PARP14: variants seen among roughly 807,000 people sequenced by gnomAD.
PARP14 encodes the protein protein mono-ADP-ribosyltransferase PARP14.
Under a neutral mutation model 154.2 loss-of-function variants are expected in PARP14, and 59 were observed. The ratio of observed to expected loss-of-function variants is 0.38; its 90% confidence interval spans 0.31 to 0.48. PARP14 has a LOEUF of 0.48. PARP14 is among the 20% of genes least tolerant of loss of function. The pLI, the probability that PARP14 is intolerant of heterozygous loss-of-function variation, is 0.98. For synonymous variants in PARP14, 720 were observed against 780.5 expected, an observed-to-expected ratio of 0.92 and a Z score of 1.29; for missense variants, 1,734 against 2,131.6, an observed-to-expected ratio of 0.81 and a Z score of 3.67.
rs1939067726 is a variant in PARP14 at position 122,703,966 on chromosome 3, A to G, written c.3306A>G (p.Thr1102=). The stretch of plus-strand genomic sequence containing the variant: ...CTCCGGAGTGGAGAAATGGTAGCAC[A>G]TCTTCACTCAAGGTTGGGCCTGGTT... ...VVAPEWRNGS[T]SSLKIMEDII... Residue 1102 remains threonine (T), a synonymous_variant, in exon 7 of 17, where the codon ACA becomes ACG. Coordinates refer to ENST00000474629, the MANE Select transcript of PARP14 (RefSeq NM_017554.3). 6.2e-7 allele frequency: 1 copy of G among 1,611,678 alleles called. No individual in the cohort carries two copies. The highest frequency in any genetic ancestry group is 8.5e-7 in the Non-Finnish European group (1 of 1,177,868).
At position 122,713,548 on chromosome 3, in the gene PARP14, A is replaced by G; in HGVS notation, c.3744A>G (p.Thr1248=). 10 of 1,613,784 alleles carry G rather than the reference A, an allele frequency of 6.2e-6. No individual in the cohort carries two copies. Among genetic ancestry groups the G allele is most frequent in the African/African-American group, 1.3e-5 (1 of 75,062 alleles). Residue 1248 remains threonine, a synonymous_variant, in exon 10 of 17, where the codon ACA becomes ACG. Transcript: ENST00000474629. ...KEEADVIVNS[T]SNSFNLKAGV... is the part of the protein sequence containing the mutation. ...AGGCAGATGTGATTGTAAATTCAAC[A>G]TCAAACTCATTCAATCTCAAAGCAG...
chr3:122,713,662 G>A (rs1461775350), intron 10 of PARP14, 89 bp downstream of exon 10: 1 of 1,202,770 alleles, frequency 8.3e-7, no homozygotes, highest in East Asian at 2.3e-5. Context: ...TAGAACTTTG[G>A]CTTGTTAATT....
chr3:122,712,240 CTT>C (rs55876947), intron 9 of PARP14, among the ~76,000 whole-genome samples: 80,060 of 138,538 alleles, frequency 0.58, 22,524 homozygotes, highest in Non-Finnish European at 0.66. Context: ...GGATTCACAT[CTT>C]TTTTTTTTTT....
rs367840987 is a variant in PARP14 at position 122,700,444 on chromosome 3, C to T, written c.1890C>T (p.Asn630=). The T allele has an allele frequency of 5.0e-6, 8 of 1,613,372 alleles. No homozygotes were observed. In the African/African-American group the frequency reaches 6.7e-5, roughly 13 times the overall value. ...NLLKKQNSSP[N]TVIINELTSE... is the part of the protein sequence containing the mutation. The stretch of plus-strand genomic sequence containing the variant: ...TTAAGAAACAAAATTCCTCCCCAAA[C>T]ACTGTAATCATCAATGAGTTAACTT... The change falls in exon 6 of 17, where the codon AAC becomes AAT. Residue 630 remains asparagine, a synonymous_variant. Coordinates refer to ENST00000474629, the MANE Select transcript of PARP14 (RefSeq NM_017554.3).
chr3:122,703,903 C>G lies in PARP14; in HGVS notation c.3243C>G (p.Ser1081Arg). 1 of 1,613,982 alleles carries G rather than the reference C, an allele frequency of 6.2e-7. No homozygotes were observed. The highest frequency in any genetic ancestry group is 8.5e-7 in the Non-Finnish European group (1 of 1,179,896). ...TGGGCACAGTGCTCAAAACCAGCAG[C>G]TGGAATCTGGACTGTCGCTATGTGC... ...VSMGTVLKTS[S>R]WNLDCRYVLH... Residue 1081 changes from serine to arginine, a missense_variant, in exon 7 of 17, where the codon AGC becomes AGG. Physicochemically the swap from Ser to Arg is moderately radical, Grantham distance 110. Coordinates refer to ENST00000474629, the MANE Select transcript of PARP14 (RefSeq NM_017554.3).
chr3:122,721,745 T>A (rs1028946966), intron 15 of PARP14: 1 of 152,264 alleles, frequency 6.6e-6, no homozygotes, highest in Non-Finnish European at 1.5e-5. Context: ...CCACCATAAG[T>A]CTGCCAGTAA....
Position 122,700,462 on chromosome 3 carries a change from G to A in PARP14, c.1908G>A (p.Glu636=). ...CCCCAAACACTGTAATCATCAATGA[G>A]TTAACTTCAGAAACCACAGCTGAAG... ...NSSPNTVIIN[E]LTSETTAEVI... The change falls in exon 6 of 17, where the codon GAG becomes GAA. Residue 636 remains glutamate, a synonymous_variant. Coordinates refer to ENST00000474629, the MANE Select transcript of PARP14 (RefSeq NM_017554.3). 6.2e-7 allele frequency: 1 copy of A among 1,613,090 alleles called. No individual in the cohort carries two copies. Among genetic ancestry groups the A allele is most frequent in the Non-Finnish European group, 8.5e-7 (1 of 1,179,442 alleles).
In PARP14 at chr3:122,718,694, A is replaced by T. The variant is rs746643905; in HGVS notation, c.4543A>T (p.Ile1515Phe). ...MQARDEIEAM[I>F]KRVRLAKEQE... is the part of the protein sequence containing the mutation. ...GGCTAGAGATGAAATTGAGGCGATG[A>T]TCAAGAGAGTTCGATTGGCCAAAGA... Residue 1515 changes from isoleucine (I) to phenylalanine (F), a missense_variant, in exon 14 of 17, where the codon ATC becomes TTC. Coordinates refer to ENST00000474629, the MANE Select transcript of PARP14 (RefSeq NM_017554.3). 50 of 1,613,806 alleles carry T rather than the reference A, an allele frequency of 3.1e-5. No individual in the cohort carries two copies. The highest frequency in any genetic ancestry group is 4.0e-5 in the Non-Finnish European group (47 of 1,179,822).
chr3:122,714,151 G>GTTTTTT, intron 11 of PARP14, 111 bp from the exon 12 acceptor site: 1 of 776,744 alleles, frequency 1.3e-6, no homozygotes, highest in Non-Finnish European at 2.0e-6. Context: ...TATTTCAGGA[G>GTTTTTT]TTTTTTTTTT....
intron 5 of PARP14, 101 bp downstream of exon 5, chr3:122,695,763 A>G: frequency 1.6e-6 from 1 of 628,776 alleles, no homozygotes; most frequent in Non-Finnish European, 2.8e-6. Flanking sequence ...TTGTTTATTT[A>G]TGTATTTCTT....
In PARP14 at chr3:122,701,137, G is replaced by C; in HGVS notation, c.2583G>C (p.Pro861=). The change falls in exon 6 of 17, where the codon CCG becomes CCC. Residue 861 remains proline, a synonymous_variant. Coordinates refer to ENST00000474629, the MANE Select transcript of PARP14 (RefSeq NM_017554.3). The surrounding 1 kb of genome is among the most constrained non-coding windows in gnomAD (Gnocchi z 4.0). ...TGAAGAGAGAGGGCAGACTCCTACC[G>C]GGCAATGCCACCATCTCCAAGGCAG... The part of the protein sequence containing the change: ...QIVKREGRLL[P]GNATISKAGK... 1 of 1,613,930 alleles carries C rather than the reference G, an allele frequency of 6.2e-7. No individual in the cohort carries two copies. Among genetic ancestry groups the C allele is most frequent in the Non-Finnish European group, 8.5e-7 (1 of 1,179,876 alleles).
intron 1 of PARP14, among the ~76,000 whole-genome samples, chr3:122,684,704 C>T (rs983117990): frequency 6.6e-6 from 1 of 152,176 alleles, no homozygotes; most frequent in Non-Finnish European, 1.5e-5. Flanking sequence ...TTACAGCCAC[C>T]TAGCCACCTT....
At chr3:122,717,949 C>G (rs1049908517) in intron 12 of PARP14, 122 bp from the exon 13 acceptor site, 4 of 729,282 alleles carry the variant, frequency 5.5e-6, no homozygotes, top group Middle Eastern at 3.9e-4. Flanking sequence ...GAAAATTCCA[C>G]AATGATGAAA....
At chr3:122,683,892 C>A (rs2107634837) in intron 1 of PARP14, among the ~76,000 whole-genome samples, 1 of 152,294 alleles carries the variant, frequency 6.6e-6, no homozygotes, top group South Asian at 2.1e-4. Flanking sequence ...ACTTGACTTA[C>A]AAAATTTAGC....
intron 1 of PARP14, chr3:122,683,212 A>G (rs1287897779): frequency 1.5e-6 from 1 of 658,686 alleles, no homozygotes; most frequent in Non-Finnish European, 1.9e-6. Context: ...GAATTTGCTA[A>G]CAATGAATGA....
chr3:122,694,241 A>G (rs17211169), intron 4 of PARP14, among the ~76,000 whole-genome samples: 9,118 of 152,304 alleles, frequency 0.06, 316 homozygotes, highest in Middle Eastern at 0.088. Context: ...TGTGAAGTTT[A>G]TATTCATAAT....
intron 15 of PARP14, among the ~76,000 whole-genome samples, chr3:122,727,588 C>T (rs753251235): frequency 3.9e-5 from 6 of 152,162 alleles, no homozygotes; most frequent in Non-Finnish European, 5.9e-5. Context: ...TGATCTCATG[C>T]GGTACATAAA....
intron 15 of PARP14, 107 bp downstream of exon 15, chr3:122,720,495 A>T: frequency 1.9e-6 from 2 of 1,034,296 alleles, no homozygotes; most frequent in Non-Finnish European, 2.9e-6. Context: ...TTTTAAACCC[A>T]GAATTAGAAT....
chr3:122,707,567 G>A (rs931110564), intron 8 of PARP14, among the ~76,000 whole-genome samples: 2 of 152,154 alleles, frequency 1.3e-5, no homozygotes, highest in African/African-American at 4.8e-5. Flanking sequence ...GAGGCCAGAA[G>A]TTCAAGACCA....
Sources: allele counts gnomAD v4.1 joint callset (sites outside exome capture counted in the v4.1 genomes callset), GRCh38; gene constraint gnomAD v4.1.1; non-coding constraint Gnocchi (gnomAD v3.1); transcripts MANE v1.5; gene names NCBI Gene and HGNC (gene_info 2026-07-23, HGNC 2026-07-21).